The following KCNIP4 variants were observed in gnomAD, a reference collection of about 807,000 sequenced individuals.
KCNIP4 encodes potassium voltage-gated channel interacting protein 4, also known as Kv channel-interacting protein 4.
A neutral mutation model predicts 34.0 loss-of-function variants in KCNIP4; 12 were observed. That is an observed-to-expected ratio of 0.35 (90% CI 0.23 to 0.57). The LOEUF (loss-of-function observed/expected upper bound fraction) is 0.57, where lower values mean the gene tolerates loss of function less well. Ranked by LOEUF, KCNIP4 falls within the 20% of genes least tolerant of loss-of-function variation. KCNIP4 has a pLI of 0.83. For synonymous variants in KCNIP4, 124 were observed against 102.2 expected (o/e 1.21, Z -1.29); for missense variants, 238 against 311.7 (o/e 0.76, Z 1.78).
chr4:21,510,450 G>A (rs902274502), intron 1 of KCNIP4, among the ~76,000 whole-genome samples: 3 of 152,098 alleles, frequency 2.0e-5, no homozygotes, highest in South Asian at 2.1e-4. Context: ...TATTGACATC[G>A]TATTACTCTT....
intron 1 of KCNIP4, among the ~76,000 whole-genome samples, chr4:21,204,728 T>C (rs147690668): frequency 1.8e-3 from 276 of 152,344 alleles, no homozygotes; most frequent in African/African-American, 6.4e-3. Flanking sequence ...TGGAAATAGA[T>C]GTTTCACTTG....
intron 1 of KCNIP4, among the ~76,000 whole-genome samples, chr4:21,620,585 C>A (rs962176604): frequency 1.3e-5 from 2 of 151,900 alleles, no homozygotes; most frequent in Non-Finnish European, 1.5e-5. Flanking sequence ...TAAAACTGTC[C>A]CCAAATCCTG....
intron 1 of KCNIP4, among the ~76,000 whole-genome samples, chr4:21,078,579 A>G (rs1473613846): frequency 1.3e-5 from 2 of 152,016 alleles, no homozygotes; most frequent in African/African-American, 2.4e-5. Flanking sequence ...ACCTCCAAAT[A>G]TACTTTGGAG....
intron 1 of KCNIP4, among the ~76,000 whole-genome samples, chr4:21,422,476 G>A (rs530823822): frequency 3.3e-5 from 5 of 152,004 alleles, no homozygotes; most frequent in Admixed American, 2.0e-4. Context: ...CTCAGATTAC[G>A]GGCGTGAGCC....
intron 1 of KCNIP4, among the ~76,000 whole-genome samples, chr4:21,463,600 C>CA (rs1214781464): frequency 6.6e-6 from 1 of 151,846 alleles, no homozygotes; most frequent in Non-Finnish European, 1.5e-5. Flanking sequence ...CTTTTTATTG[C>CA]CAGTGTTTGC....
intron 1 of KCNIP4, among the ~76,000 whole-genome samples, chr4:21,933,493 CAT>C (rs1187342900): frequency 3.3e-5 from 5 of 152,070 alleles, no homozygotes; most frequent in Non-Finnish European, 7.4e-5. Flanking sequence ...ACTTATAAAA[CAT>C]ATTAAGTCTT....
At chr4:21,627,690 G>A (rs1431562861) in intron 1 of KCNIP4, among the ~76,000 whole-genome samples, 1 of 152,118 alleles carries the variant, frequency 6.6e-6, no homozygotes, top group Non-Finnish European at 1.5e-5. Context: ...AAGAATTGTG[G>A]TTTCTGAAAT....
At position 20,932,591 on chromosome 4, in the gene KCNIP4, G is replaced by A. The variant is rs1010395953; in HGVS notation, c.62-49882C>T. On this transcript the variant is annotated intron_variant, in intron 1 of 8. Transcript: ENST00000382152. ...AACCCCCACCCAAAGATAACTATGC[G>A]AGATGATAGATACGTTAATTTGATT... Among the ~76,000 whole-genome samples the A allele has an allele frequency of 7.2e-5, 11 of 152,074 alleles. 1 individual carries two copies. Among genetic ancestry groups the A allele is most frequent in the East Asian group, 5.8e-4 (3 of 5,168 alleles).
chr4:20,749,656 G>A lies in KCNIP4; in HGVS notation c.429+6C>T, dbSNP rs763735612. On this transcript the variant is annotated splice_donor_region_variant and intron_variant, in intron 5 of 8. Coordinates refer to ENST00000382152, the MANE Select transcript of KCNIP4 (RefSeq NM_025221.6). Reference sequence around the variant, plus strand: ...TCAAATGATATGAAAATAATCCAGAGCTTACCTCGAAACTCACAGCTCCAT... The same window carrying A: ...TCAAATGATATGAAAATAATCCAGAACTTACCTCGAAACTCACAGCTCCAT... 6.3e-7 allele frequency: 1 copy of A among 1,585,472 alleles called. No homozygotes were observed. Among genetic ancestry groups the A allele is most frequent in the Non-Finnish European group, 8.6e-7 (1 of 1,156,790 alleles).
At chr4:21,433,740 A>G (rs1426205297) in intron 1 of KCNIP4, among the ~76,000 whole-genome samples, 1 of 152,198 alleles carries the variant, frequency 6.6e-6, no homozygotes, top group Non-Finnish European at 1.5e-5. Context: ...ATCCTCTGCT[A>G]TAGCCAATTT....
chr4:21,655,646 A>C (rs1249469632), intron 1 of KCNIP4, among the ~76,000 whole-genome samples: 1 of 152,224 alleles, frequency 6.6e-6, no homozygotes, highest in Middle Eastern at 3.2e-3. Context: ...ATATATCCTA[A>C]AAGGTGGGGT....
intron 1 of KCNIP4, among the ~76,000 whole-genome samples, chr4:21,369,110 G>A (rs1301897632): frequency 6.8e-6 from 1 of 147,010 alleles, no homozygotes; most frequent in African/African-American, 2.7e-5. Context: ...ATGGTCTTGA[G>A]AAATTAAGGT....
intron 1 of KCNIP4, among the ~76,000 whole-genome samples, chr4:21,657,629 G>C (rs1467506435): frequency 3.9e-5 from 6 of 152,134 alleles, no homozygotes; most frequent in Non-Finnish European, 8.8e-5. Context: ...AAGTAGAAAA[G>C]CACTGATCTG....
intron 1 of KCNIP4, among the ~76,000 whole-genome samples, chr4:21,440,108 CA>C (rs943817766): frequency 1.2e-4 from 19 of 152,256 alleles, no homozygotes; most frequent in African/African-American, 4.3e-4. Flanking sequence ...GAACCCTAGC[CA>C]AAACAATTAG....
intron 2 of KCNIP4, among the ~76,000 whole-genome samples, chr4:20,880,123 G>A (rs900105491): frequency 1.3e-5 from 2 of 152,112 alleles, no homozygotes; most frequent in African/African-American, 4.8e-5. Context: ...TAAAAATTTG[G>A]TATTGATATG....
intron 1 of KCNIP4, among the ~76,000 whole-genome samples, chr4:20,901,348 T>C (rs1727135966): frequency 6.6e-6 from 1 of 152,232 alleles, no homozygotes; most frequent in Admixed American, 6.5e-5. Context: ...TGGTACTTAT[T>C]GGTCTCATCA....
intron 1 of KCNIP4, among the ~76,000 whole-genome samples, chr4:21,670,977 T>A (rs80075549): frequency 0.016 from 2,413 of 150,400 alleles, 66 homozygotes; most frequent in African/African-American, 0.056. Flanking sequence ...TTTTTTTTTT[T>A]AAATTAATAA....
intron 1 of KCNIP4, among the ~76,000 whole-genome samples, chr4:21,669,250 G>A (rs1749276392): frequency 6.6e-6 from 1 of 151,552 alleles, no homozygotes; most frequent in Non-Finnish European, 1.5e-5. Context: ...CCAGCCTCCT[G>A]TGTAGCTGGG....
chr4:21,106,957 G>C (rs1254608318), intron 1 of KCNIP4, among the ~76,000 whole-genome samples: 1 of 150,846 alleles, frequency 6.6e-6, no homozygotes, highest in Non-Finnish European at 1.5e-5. Flanking sequence ...ACTGTGGTCT[G>C]AGAGACAGTT....
Sources: gnomAD v4.1 joint callset for allele counts (sites outside exome capture counted in the v4.1 genomes callset) on GRCh38, gnomAD v4.1.1 for gene constraint, MANE v1.5 for transcripts, NCBI Gene and HGNC (gene_info 2026-07-23, HGNC 2026-07-21) for gene names.